Variants in CDC42BPA observed in about 807,000 individuals in gnomAD.
CDC42BPA encodes the protein CDC42 binding protein kinase alpha.
A neutral mutation model predicts 223.5 loss-of-function variants in CDC42BPA; 80 were observed. The ratio of observed to expected loss-of-function variants is 0.36; its 90% CI spans 0.30 to 0.43. The LOEUF is 0.43. CDC42BPA is among the 20% of genes least tolerant of loss of function. The pLI is 1.00. For synonymous variants in CDC42BPA, 694 were observed against 718.6 expected (o/e 0.97, Z 0.55); for missense variants, 1,743 against 2,099.9 (o/e 0.83, Z 3.32).
At chr1:227,250,082 A>C (rs908653319) in intron 2 of CDC42BPA, among the ~76,000 whole-genome samples, 1 of 152,214 alleles carries the variant, frequency 6.6e-6, no homozygotes, top group Non-Finnish European at 1.5e-5. Flanking sequence ...AATAACGTGG[A>C]TATCCAATTT....
intron 5 of CDC42BPA, among the ~76,000 whole-genome samples, chr1:227,191,854 T>C (rs1372498470): frequency 2.1e-4 from 32 of 151,960 alleles, no homozygotes; most frequent in Admixed American, 2.1e-3. Context: ...AAGTGGTAGC[T>C]ATGCCTGTAA....
intron 32 of CDC42BPA, among the ~76,000 whole-genome samples, chr1:227,021,107 T>G (rs774555487): frequency 1.3e-5 from 2 of 152,106 alleles, no homozygotes; most frequent in African/African-American, 2.4e-5. Context: ...TAACCTCAAA[T>G]TTGGATCACT....
rs1437649731 is a variant in CDC42BPA at position 227,199,657 on chromosome 1, A to C, written c.355-5T>G. Reference sequence around the variant, plus strand: ...TTCTTCACGAAAACATGCTGTCTGAAACACAAAAAGAAAATTTTTAGAGCA... The same window carrying C: ...TTCTTCACGAAAACATGCTGTCTGACACACAAAAAGAAAATTTTTAGAGCA... On this transcript the variant is annotated splice_region_variant and splice_polypyrimidine_tract_variant and intron_variant, in intron 3 of 36. Coordinates refer to ENST00000366766, the MANE Select transcript of CDC42BPA (RefSeq NM_001394014.1). 1 of 1,540,730 alleles carries C rather than the reference A, an allele frequency of 6.5e-7. No individual in the cohort carries two copies.
rs576756849 is a variant in CDC42BPA, at chr1:227,260,591, A to G, written c.179-6436T>C. Among the ~76,000 whole-genome samples the G allele has an allele frequency of 1.3e-4, 19 of 151,306 alleles. 1 individual carries two copies. Among genetic ancestry groups the G allele is most frequent in the Admixed American group, 1.1e-3 (17 of 15,270 alleles). ...TGTCCAATAGAAAGAGAGAGTGGAA[A>G]GGCAGAGGCATAAGTGAGAAGAAAA... On this transcript the variant is annotated intron_variant, in intron 1 of 36. Transcript: ENST00000366766.
At chr1:227,023,218 A>G (rs1178822169) in intron 32 of CDC42BPA, 45 bp downstream of exon 32, 3 of 939,034 alleles carry the variant, frequency 3.2e-6, no homozygotes, top group South Asian at 1.5e-5. Context: ...CTTAGAAATA[A>G]TATTTCCAAT....
At chr1:227,202,949 A>C (rs1425728391) in intron 3 of CDC42BPA, among the ~76,000 whole-genome samples, 1 of 152,102 alleles carries the variant, frequency 6.6e-6, no homozygotes, top group African/African-American at 2.4e-5. Context: ...TAATTAAAAT[A>C]AGAAAATAAA....
At chr1:227,316,952 A>C in intron 1 of CDC42BPA, 53 bp downstream of exon 1, 1 of 1,369,048 alleles carries the variant, frequency 7.3e-7, no homozygotes, top group South Asian at 1.2e-5. Context: ...ATACCAATTA[A>C]ATCATAATGA....
At chr1:227,231,200 T>C (rs1047941403) in intron 2 of CDC42BPA, among the ~76,000 whole-genome samples, 2 of 135,182 alleles carry the variant, frequency 1.5e-5, no homozygotes, top group Non-Finnish European at 1.6e-5. Context: ...GCGTTCTCGT[T>C]GTTTAATTCC....
intron 5 of CDC42BPA, among the ~76,000 whole-genome samples, chr1:227,172,505 A>T (rs752044802): frequency 4.6e-5 from 7 of 152,230 alleles, no homozygotes; most frequent in Non-Finnish European, 8.8e-5. Flanking sequence ...AAAGACTACT[A>T]TGAAATTCAA....
Position 227,213,239 on chromosome 1 carries a change from T to C in CDC42BPA, c.271-20A>G, listed in dbSNP as rs1159925711. On this transcript the variant is annotated intron_variant, in intron 2 of 36. Coordinates refer to ENST00000366766, the MANE Select transcript of CDC42BPA (RefSeq NM_001394014.1). ...AGCAACCTAGAAAAGATAAAGGAAA[T>C]ATAAATTTTAAAATAATGACAAATA... The C allele has an allele frequency of 4.0e-6, 5 of 1,256,820 alleles. No homozygotes were observed. The highest frequency in any genetic ancestry group is 2.2e-5 in the Admixed American group (1 of 45,850). 77.9% of individuals were successfully genotyped at this position (1,256,820 alleles called of 1,614,324 possible). A position where few individuals can be genotyped will look rare whatever the true frequency, so the allele number is the denominator to read the frequency against.
chr1:227,252,592 T>A (rs1682211025), intron 2 of CDC42BPA, among the ~76,000 whole-genome samples: 1 of 152,086 alleles, frequency 6.6e-6, no homozygotes, highest in Non-Finnish European at 1.5e-5. Context: ...GTAGGAAAAT[T>A]ACAGGCCAAT....
At chr1:227,179,384 C>A (rs1372671419) in intron 5 of CDC42BPA, among the ~76,000 whole-genome samples, 2 of 152,064 alleles carry the variant, frequency 1.3e-5, no homozygotes, top group Non-Finnish European at 2.9e-5. Flanking sequence ...CGCCTGTAAT[C>A]CCAGCACTTT....
intron 1 of CDC42BPA, among the ~76,000 whole-genome samples, chr1:227,293,182 G>A (rs1169398743): frequency 6.6e-6 from 1 of 152,160 alleles, no homozygotes; most frequent in Non-Finnish European, 1.5e-5. Context: ...AGGTATTGGG[G>A]AAGAGCTGGT....
At chr1:227,161,675 A>C (rs1263734676) in intron 5 of CDC42BPA, among the ~76,000 whole-genome samples, 1 of 152,198 alleles carries the variant, frequency 6.6e-6, no homozygotes, top group Non-Finnish European at 1.5e-5. Context: ...GTTTTTGTAA[A>C]TAAAGTTTTA....
chr1:227,179,412 G>A (rs543962808), intron 5 of CDC42BPA, among the ~76,000 whole-genome samples: 2 of 151,932 alleles, frequency 1.3e-5, no homozygotes, highest in East Asian at 1.9e-4. Context: ...CGAGGCGGGC[G>A]GATCACAAGG....
intron 3 of CDC42BPA, among the ~76,000 whole-genome samples, chr1:227,211,315 G>C (rs147744182): frequency 2.6e-5 from 4 of 152,146 alleles, no homozygotes; most frequent in Admixed American, 1.3e-4. Flanking sequence ...ACTATTAGTA[G>C]GAATGTAAAT....
At chr1:227,162,997 T>C (rs1329708976) in intron 5 of CDC42BPA, among the ~76,000 whole-genome samples, 1 of 56,966 alleles carries the variant, frequency 1.8e-5, no homozygotes, top group Admixed American at 1.7e-4. Context: ...TTTCCAAACA[T>C]GTGTATGTTT....
At chr1:227,114,874 A>G (rs1350893733) in intron 12 of CDC42BPA, among the ~76,000 whole-genome samples, 1 of 151,660 alleles carries the variant, frequency 6.6e-6, no homozygotes, top group Non-Finnish European at 1.5e-5. Context: ...ACGTCTTTAA[A>G]TTGTTTGTGG....
intron 21 of CDC42BPA, among the ~76,000 whole-genome samples, chr1:227,060,172 C>T (rs907763802): frequency 3.3e-5 from 5 of 151,578 alleles, no homozygotes; most frequent in African/African-American, 1.2e-4. Context: ...GCTGGGATTA[C>T]AGGTGCCCAC....
Sources: allele counts gnomAD v4.1 joint callset (sites outside exome capture counted in the v4.1 genomes callset), GRCh38; gene constraint gnomAD v4.1.1; transcripts MANE v1.5; gene names NCBI Gene and HGNC (gene_info 2026-07-23, HGNC 2026-07-21).